Variants in CIMIP5 observed in about 807,000 individuals in gnomAD.
CIMIP5 encodes ciliary microtubule inner protein 5.
chr2:11,152,461 T>C, the CIMIP5 span, among the ~76,000 whole-genome samples: 2 of 152,152 alleles, frequency 1.3e-5, no homozygotes, highest in South Asian at 4.1e-4. Flanking sequence ...TAGGTCTGAT[T>C]TCTTTCATTG....
At chr2:11,142,230 C>A in the CIMIP5 span, among the ~76,000 whole-genome samples, 1 of 141,306 alleles carries the variant, frequency 7.1e-6, no homozygotes, top group African/African-American at 2.7e-5. Context: ...CACGCCATTG[C>A]ACTCCAGCCT....
chr2:11,148,492 A>G, the CIMIP5 span, among the ~76,000 whole-genome samples: 2 of 152,100 alleles, frequency 1.3e-5, no homozygotes, highest in Non-Finnish European at 2.9e-5. Flanking sequence ...CCTGTGCCAG[A>G]AACTAAGAAA....
the CIMIP5 span, among the ~76,000 whole-genome samples, chr2:11,153,134 G>A: frequency 6.6e-6 from 1 of 152,168 alleles, no homozygotes; most frequent in Admixed American, 6.5e-5. Flanking sequence ...ACCCCGAAGG[G>A]CCACACACCC....
chr2:11,143,410 A>G, the CIMIP5 span, among the ~76,000 whole-genome samples: 7 of 151,654 alleles, frequency 4.6e-5, no homozygotes, highest in African/African-American at 1.7e-4. Flanking sequence ...GGGAGCAGAG[A>G]CAGGGGCTGA....
the CIMIP5 span, chr2:11,146,114 GC>G: frequency 1.3e-5 from 2 of 152,310 alleles, no homozygotes; most frequent in African/African-American, 4.8e-5. Flanking sequence ...TGGGGCAGGG[GC>G]TGAAATGACT....
the CIMIP5 span, among the ~76,000 whole-genome samples, chr2:11,140,765 A>G: frequency 2.6e-5 from 4 of 152,190 alleles, no homozygotes; most frequent in Non-Finnish European, 5.9e-5. Flanking sequence ...AGTGTTTCTT[A>G]ATTTTATTAA....
the CIMIP5 span, chr2:11,144,190 A>C: frequency 2.3e-6 from 3 of 1,284,536 alleles, no homozygotes; most frequent in Non-Finnish European, 3.2e-6. Context: ...AGCACCAGTC[A>C]GCTCCCCACA....
chr2:11,138,431 A>G, the CIMIP5 span, among the ~76,000 whole-genome samples: 1 of 152,230 alleles, frequency 6.6e-6, no homozygotes, highest in African/African-American at 2.4e-5. Context: ...ATCTATAATG[A>G]TTTTGAAAGA....
the CIMIP5 span, chr2:11,143,838 C>A: frequency 8.4e-7 from 1 of 1,192,446 alleles, no homozygotes; most frequent in Non-Finnish European, 1.1e-6. Context: ...AGAGAGGCAG[C>A]TGCTCTCTGC....
At chr2:11,150,919 T>C in the CIMIP5 span, among the ~76,000 whole-genome samples, 8 of 152,258 alleles carry the variant, frequency 5.3e-5, no homozygotes, top group South Asian at 1.7e-3. Flanking sequence ...ACATTTCTGT[T>C]GAATTCATCC....
At chr2:11,133,293 C>T in the CIMIP5 span, 2 of 1,543,432 alleles carry the variant, frequency 1.3e-6, no homozygotes, top group Admixed American at 2.2e-5. Context: ...CTCTCTCTCT[C>T]TCTCTCTGAC....
chr2:11,147,111 C>G, the CIMIP5 span, among the ~76,000 whole-genome samples: 2,022 of 152,324 alleles, frequency 0.013, 36 homozygotes, highest in African/African-American at 0.044. Context: ...ACAGACAATG[C>G]AACCTATAAG....
the CIMIP5 span, chr2:11,145,527 G>A: frequency 6.6e-6 from 1 of 152,238 alleles, no homozygotes; most frequent in Admixed American, 6.5e-5. Flanking sequence ...AAACACAAAT[G>A]GATTCATTCT....
the CIMIP5 span, among the ~76,000 whole-genome samples, chr2:11,140,258 C>A: frequency 6.6e-6 from 1 of 151,510 alleles, no homozygotes; most frequent in African/African-American, 2.4e-5. Context: ...GCCTGTAGTC[C>A]CAGCTACTCG....
the CIMIP5 span, among the ~76,000 whole-genome samples, chr2:11,141,857 A>C: frequency 6.6e-6 from 1 of 152,166 alleles, no homozygotes; most frequent in Non-Finnish European, 1.5e-5. Flanking sequence ...ATATGAATTC[A>C]TCACTGCACC....
the CIMIP5 span, chr2:11,143,900 G>A: frequency 1.6e-5 from 24 of 1,548,052 alleles, no homozygotes; most frequent in Middle Eastern, 1.7e-4. Flanking sequence ...TGTGTGACCC[G>A]AGCTGTCCCC....
At chr2:11,134,655 C>G in the CIMIP5 span, among the ~76,000 whole-genome samples, 1 of 152,150 alleles carries the variant, frequency 6.6e-6, no homozygotes, top group African/African-American at 2.4e-5. Context: ...GAATTTCCTC[C>G]CATTTTAAGG....
chr2:11,143,842 T>A, the CIMIP5 span: 1 of 1,247,164 alleles, frequency 8.0e-7, no homozygotes, highest in Non-Finnish European at 1.1e-6. Context: ...AGGCAGCTGC[T>A]CTCTGCTCTG....
chr2:11,140,385 A>G, the CIMIP5 span: 2 of 596,776 alleles, frequency 3.4e-6, no homozygotes, highest in African/African-American at 3.9e-5. Flanking sequence ...AAAAAAAAAA[A>G]AAAAAAAAAA....
Sources: allele counts gnomAD v4.1 joint callset (sites outside exome capture counted in the v4.1 genomes callset), GRCh38; gene constraint gnomAD v4.1.1; transcripts MANE v1.5; gene names NCBI Gene and HGNC (gene_info 2026-07-23, HGNC 2026-07-21).